ITIH2: variants seen among roughly 807,000 people sequenced by gnomAD.
ITIH2 encodes the protein inter-alpha-trypsin inhibitor heavy chain H2.
In ITIH2, 103 loss-of-function variants were observed where a neutral mutation model predicts 104.4. That is an observed-to-expected ratio of 0.99 (90% CI 0.84 to 1.16). ITIH2 has a LOEUF of 1.16. ITIH2 is among the 50% of genes most tolerant of loss of function. The pLI is 0.00. For missense variants in ITIH2, 1,108 were observed against 1,162.4 expected, an observed-to-expected ratio of 0.95 and a Z score of 0.68; for synonymous variants, 436 against 435.4, an observed-to-expected ratio of 1.00 and a Z score of -0.02.
Position 7,737,699 on chromosome 10 carries a change from A to ATTCTAT in ITIH2, c.1958-922_1958-921insTTCTAT, listed in dbSNP as rs1564305704. 1.4e-3 allele frequency among the ~76,000 whole-genome samples: 21 copies of ATTCTAT among 14,620 alleles called. 1 individual carries two copies. The highest frequency in any genetic ancestry group is 6.9e-3 in the African/African-American group (15 of 2,188). The allele number at this position is 14,620 out of a possible 152,430, so 9.6% of individuals were successfully genotyped here. ...ATATTTTCTATATTATATTCTATAT[A>ATTCTAT]ATATTCTATATTATATTCTATATAA... On this transcript the variant is annotated intron_variant, in intron 15 of 20. Transcript: ENST00000358415.
intron 14 of ITIH2, among the ~76,000 whole-genome samples, chr10:7,732,983 T>C (rs1835018373): frequency 6.6e-6 from 1 of 152,156 alleles, no homozygotes; most frequent in South Asian, 2.1e-4. Context: ...CGAGTGGGCC[T>C]CCCAAAGTAC....
chr10:7,729,206 G>A (rs566448470), intron 11 of ITIH2, among the ~76,000 whole-genome samples: 8 of 152,180 alleles, frequency 5.3e-5, no homozygotes, highest in East Asian at 1.9e-4. Context: ...CCAGCTATTC[G>A]GGAGGCTGAG....
intron 1 of ITIH2, among the ~76,000 whole-genome samples, chr10:7,704,552 T>C (rs1834726991): frequency 6.6e-6 from 1 of 152,206 alleles, no homozygotes; most frequent in African/African-American, 2.4e-5. Flanking sequence ...ACCCACCTAA[T>C]CACTGGGTTG....
chr10:7,748,219 T>C (rs1462631746), intron 20 of ITIH2, among the ~76,000 whole-genome samples: 6 of 124,520 alleles, frequency 4.8e-5, no homozygotes, highest in African/African-American at 8.5e-5. Flanking sequence ...TATATTTATA[T>C]ATACATATAT....
intron 5 of ITIH2, among the ~76,000 whole-genome samples, chr10:7,714,937 T>C (rs1479282866): frequency 6.6e-6 from 1 of 152,172 alleles, no homozygotes; most frequent in South Asian, 2.1e-4. Context: ...CACTGCACCA[T>C]ACTGTTTTAT....
intron 9 of ITIH2, 33 bp from the exon 10 acceptor site, chr10:7,726,917 A>G: frequency 6.6e-7 from 1 of 1,519,548 alleles, no homozygotes; most frequent in South Asian, 1.3e-5. Context: ...GATTTTCTGT[A>G]ATGGGACCTG....
intron 4 of ITIH2, among the ~76,000 whole-genome samples, chr10:7,712,205 C>T (rs7073297): frequency 0.3 from 44,968 of 151,958 alleles, 8,576 homozygotes; most frequent in African/African-American, 0.54. Flanking sequence ...TTCTGAAGGC[C>T]GGGAAGTCCG....
intron 7 of ITIH2, 79 bp from the exon 8 acceptor site, chr10:7,721,570 C>T: frequency 7.4e-7 from 1 of 1,357,248 alleles, no homozygotes; most frequent in East Asian, 2.3e-5. Context: ...CTCCTCTTCC[C>T]TGTGTGCTGG....
intron 19 of ITIH2, among the ~76,000 whole-genome samples, chr10:7,745,655 G>A (rs1835168651): frequency 6.6e-6 from 1 of 151,970 alleles, no homozygotes; most frequent in Admixed American, 6.6e-5. Context: ...AAGCTGAGGT[G>A]GGATCTCTTG....
intron 11 of ITIH2, among the ~76,000 whole-genome samples, chr10:7,729,570 G>GT (rs896187076): frequency 2.4e-4 from 35 of 148,776 alleles, no homozygotes; most frequent in African/African-American, 5.2e-4. Context: ...TATTTACCTT[G>GT]TTTTTTTTTT....
At chr10:7,720,996 A>T in intron 7 of ITIH2, 33 bp downstream of exon 7, 1 of 1,297,580 alleles carries the variant, frequency 7.7e-7, no homozygotes, top group Non-Finnish European at 1.1e-6. Context: ...CCAGGCATTC[A>T]CAGGGCCTCT....
intron 9 of ITIH2, among the ~76,000 whole-genome samples, 161 bp from the exon 10 acceptor site, chr10:7,726,789 G>A (rs983242579): frequency 6.6e-6 from 1 of 152,164 alleles, no homozygotes; most frequent in African/African-American, 2.4e-5. Flanking sequence ...ATAAATAAGG[G>A]GCAGGTCTGC....
chr10:7,707,349 T>C (rs1434234397), intron 3 of ITIH2, 116 bp downstream of exon 3: 1 of 743,554 alleles, frequency 1.3e-6, no homozygotes, highest in Non-Finnish European at 2.3e-6. Context: ...ACTTTCGAAA[T>C]ACTGCCTTGC....
At chr10:7,711,354 A>C (rs1453018576) in intron 4 of ITIH2, among the ~76,000 whole-genome samples, 1 of 152,172 alleles carries the variant, frequency 6.6e-6, no homozygotes, top group Non-Finnish European at 1.5e-5. Flanking sequence ...TTGAAGTACA[A>C]AGGACAGAAT....
chr10:7,743,712 T>G (rs1835148281), intron 17 of ITIH2, among the ~76,000 whole-genome samples: 1 of 151,426 alleles, frequency 6.6e-6, no homozygotes, highest in Non-Finnish European at 1.5e-5. Context: ...ACCCGGGAGG[T>G]GGAGGTTGCA....
intron 15 of ITIH2, among the ~76,000 whole-genome samples, chr10:7,738,257 T>C (rs1344165065): frequency 3.4e-4 from 43 of 125,678 alleles, no homozygotes; most frequent in African/African-American, 1.2e-3. Flanking sequence ...TAATATTATA[T>C]ATTATATTCT....
chr10:7,723,422 T>C, intron 8 of ITIH2, 29 bp from the exon 9 acceptor site: 1 of 1,375,702 alleles, frequency 7.3e-7, no homozygotes, highest in African/African-American at 1.4e-5. Flanking sequence ...GAATCATGAT[T>C]TGACTCACAA....
chr10:7,735,674 CTTT>C (rs35122608), intron 15 of ITIH2, among the ~76,000 whole-genome samples: 5 of 130,540 alleles, frequency 3.8e-5, no homozygotes, highest in Admixed American at 7.7e-5. Context: ...CTTTTCTTTT[CTTT>C]TTTTTTTTTT....
intron 9 of ITIH2, among the ~76,000 whole-genome samples, chr10:7,726,057 A>C (rs1341296025): frequency 6.6e-6 from 1 of 152,218 alleles, no homozygotes; most frequent in African/African-American, 2.4e-5. Context: ...CTTTGGATTT[A>C]GTGACATTAG....
Sources: gnomAD v4.1 joint callset for allele counts (sites outside exome capture counted in the v4.1 genomes callset) on GRCh38, gnomAD v4.1.1 for gene constraint, MANE v1.5 for transcripts, NCBI Gene and HGNC (gene_info 2026-07-23, HGNC 2026-07-21) for gene names.